Variants in FANK1 observed in about 807,000 individuals in gnomAD.
FANK1 encodes the protein fibronectin type 3 and ankyrin repeat domains protein 1.
A neutral mutation model predicts 45.3 loss-of-function variants in FANK1; 44 were observed. The observed-to-expected ratio is 0.97, with a 90% CI of 0.76 to 1.25. The LOEUF (loss-of-function observed/expected upper bound fraction) is 1.25. Ranked by LOEUF, FANK1 falls within the 50% of genes most tolerant of loss-of-function variation. The pLI is 0.00. For missense variants in FANK1, 391 were observed against 424.4 expected (o/e 0.92, Z 0.69); for synonymous variants, 149 against 152.5 (o/e 0.98, Z 0.17).
chr10:125,986,259 A>G (rs1027004297), intron 2 of FANK1, among the ~76,000 whole-genome samples: 3 of 152,130 alleles, frequency 2.0e-5, no homozygotes, highest in African/African-American at 7.2e-5. Flanking sequence ...AGGTGCCTCA[A>G]TGTGCTTAGT....
chr10:125,970,735 G>A (rs1431459227), intron 1 of FANK1, among the ~76,000 whole-genome samples: 1 of 152,174 alleles, frequency 6.6e-6, no homozygotes, highest in African/African-American at 2.4e-5. Flanking sequence ...AATCAGGCAG[G>A]GAGGTTGCAG....
intron 1 of FANK1, among the ~76,000 whole-genome samples, chr10:125,936,927 C>T (rs895130443): frequency 2.6e-5 from 4 of 151,894 alleles, no homozygotes; most frequent in South Asian, 4.2e-4. Context: ...ATTAGCCAGG[C>T]GTGGTGGTGC....
intron 7 of FANK1, among the ~76,000 whole-genome samples, chr10:126,006,883 G>A (rs1237106310): frequency 1.3e-5 from 2 of 152,108 alleles, no homozygotes; most frequent in Non-Finnish European, 2.9e-5. Context: ...ATTCACAATA[G>A]GGCAAATCTC....
chr10:125,975,562 G>T (rs1185403285), intron 1 of FANK1, among the ~76,000 whole-genome samples: 1 of 152,088 alleles, frequency 6.6e-6, no homozygotes, highest in Non-Finnish European at 1.5e-5. Context: ...TCTCTTTGTG[G>T]TTTTGATATG....
chr10:125,899,654 T>G (rs1315152743), intron 1 of FANK1, among the ~76,000 whole-genome samples: 1 of 152,250 alleles, frequency 6.6e-6, no homozygotes, highest in Non-Finnish European at 1.5e-5. Context: ...AGATTTCACC[T>G]GAGACGGAAG....
chr10:125,920,009 T>G, intron 1 of FANK1, among the ~76,000 whole-genome samples: 1 of 152,156 alleles, frequency 6.6e-6, no homozygotes, highest in East Asian at 1.9e-4. Context: ...TATTAATTCC[T>G]TGCAGTTCAA....
intron 1 of FANK1, among the ~76,000 whole-genome samples, chr10:125,918,567 A>AAAAAT (rs1946650725): frequency 1.7e-5 from 2 of 118,970 alleles, no homozygotes; most frequent in African/African-American, 7.3e-5. Flanking sequence ...AAAAAAAAAA[A>AAAAAT]AAAAAAAAAA....
intron 3 of FANK1, chr10:125,994,780 T>A: frequency 1.0e-6 from 1 of 985,414 alleles, no homozygotes; most frequent in Non-Finnish European, 1.2e-6. Flanking sequence ...ATGTCCCCTG[T>A]ACAAAGGATG....
At chr10:126,003,779 G>A (rs1187460926) in intron 6 of FANK1, among the ~76,000 whole-genome samples, 3 of 151,972 alleles carry the variant, frequency 2.0e-5, no homozygotes, top group African/African-American at 7.3e-5. Context: ...GGGTTCAAGT[G>A]ATTCTCCTGC....
intron 1 of FANK1, among the ~76,000 whole-genome samples, chr10:125,944,587 T>A (rs928378050): frequency 2.0e-5 from 3 of 152,188 alleles, no homozygotes. Flanking sequence ...ATAATGGCCC[T>A]AACGCCCAAG....
intron 1 of FANK1, among the ~76,000 whole-genome samples, chr10:125,908,694 A>G (rs1945740956): frequency 1.3e-5 from 2 of 152,122 alleles, no homozygotes; most frequent in Middle Eastern, 3.2e-3. Context: ...AGAAATCACC[A>G]CTAAAGAACT....
intron 1 of FANK1, among the ~76,000 whole-genome samples, chr10:125,978,678 A>G (rs974685271): frequency 6.6e-6 from 1 of 151,864 alleles, no homozygotes; most frequent in African/African-American, 2.4e-5. Flanking sequence ...AAAGCCTGAA[A>G]GCTAGAATGG....
At chr10:125,921,767 A>G (rs1486683195) in intron 1 of FANK1, among the ~76,000 whole-genome samples, 1 of 152,214 alleles carries the variant, frequency 6.6e-6, no homozygotes, top group Non-Finnish European at 1.5e-5. Context: ...TGTAGTATCC[A>G]TTCTAGCCTT....
intron 1 of FANK1, among the ~76,000 whole-genome samples, chr10:125,931,526 T>C (rs551257089): frequency 1.3e-5 from 2 of 152,360 alleles, no homozygotes; most frequent in South Asian, 4.1e-4. Context: ...TTTTGAGAAT[T>C]GTCTATTCAT....
chr10:126,004,813 T>C (rs1344170218), intron 6 of FANK1, 71 bp from the exon 7 acceptor site: 24 of 1,528,762 alleles, frequency 1.6e-5, no homozygotes, highest in Non-Finnish European at 2.1e-5. Context: ...TTAAGCCAGG[T>C]AGGGTAAAAG....
chr10:125,991,213 G>C (rs1030910023), intron 3 of FANK1, among the ~76,000 whole-genome samples: 1 of 151,600 alleles, frequency 6.6e-6, no homozygotes, highest in African/African-American at 2.4e-5. Context: ...AATTAGATGA[G>C]GCCTCCTGCA....
At position 126,001,340 on chromosome 10, in the gene FANK1, G is replaced by A. The variant is rs553814964; in HGVS notation, c.540-3544G>A. Among the ~76,000 whole-genome samples, 30 of 152,292 alleles carry A rather than the reference G, an allele frequency of 2.0e-4. No individual in the cohort carries two copies. The East Asian group carries it at 5.6e-3, about 28-fold the overall frequency. The stretch of plus-strand genomic sequence containing the variant: ...TGTTTTCAGTGCTTAAGTAAACAGG[G>A]AAGTATATGAAATAATAAGAAACTG... On this transcript the variant is annotated intron_variant, in intron 6 of 10. Transcript: ENST00000368693.
At chr10:125,935,761 A>T (rs1339965114) in intron 1 of FANK1, among the ~76,000 whole-genome samples, 1 of 152,222 alleles carries the variant, frequency 6.6e-6, no homozygotes, top group Non-Finnish European at 1.5e-5. Context: ...GCTACATGTT[A>T]TTATGTTACC....
intron 1 of FANK1, among the ~76,000 whole-genome samples, chr10:125,922,987 T>G (rs1166162434): frequency 3.3e-5 from 5 of 152,066 alleles, no homozygotes. Context: ...GTGGCAGAGT[T>G]TTTTTTGTTT....
Sources: gnomAD v4.1 joint callset for allele counts (sites outside exome capture counted in the v4.1 genomes callset) on GRCh38, gnomAD v4.1.1 for gene constraint, MANE v1.5 for transcripts, NCBI Gene and HGNC (gene_info 2026-07-23, HGNC 2026-07-21) for gene names.